XPNPEP3: variants seen among roughly 807,000 people sequenced by gnomAD.
The protein encoded by XPNPEP3 is xaa-Pro aminopeptidase 3.
Under a neutral mutation model 60.0 loss-of-function variants are expected in XPNPEP3, and 41 were observed. The observed-to-expected ratio is 0.68, with a 90% confidence interval of 0.53 to 0.89. The LOEUF is 0.89. Ranked by LOEUF, XPNPEP3 falls within the 40% of genes least tolerant of loss-of-function variation. XPNPEP3 has a pLI of 0.00. For missense variants in XPNPEP3, 598 were observed against 638.9 expected (o/e 0.94, Z 0.69); for synonymous variants, 212 against 223.2 (o/e 0.95, Z 0.45).
rs775368300 is a variant in XPNPEP3 at position 40,882,086 on chromosome 22, G to A, written c.498G>A (p.Pro166=). The A allele has an allele frequency of 3.0e-5, 48 of 1,613,938 alleles. No homozygotes were observed. The highest frequency in any genetic ancestry group is 3.3e-5 in the South Asian group (3 of 91,086). The change falls in exon 3 of 10, where the codon CCG becomes CCA. Residue 166 remains proline (P), a synonymous_variant. Coordinates refer to ENST00000357137, the MANE Select transcript of XPNPEP3 (RefSeq NM_022098.4). ...CCAGTCGAGAACTTTGGGATGGTCC[G>A]CGATCTGGCACTGATGGAGCAATAG... is the stretch of plus-strand genomic sequence containing the variant. ...RDPSRELWDG[P]RSGTDGAIAL...
chr22:40,905,171 C>G (rs925798145), intron 4 of XPNPEP3, among the ~76,000 whole-genome samples: 1 of 151,910 alleles, frequency 6.6e-6, no homozygotes, highest in African/African-American at 2.4e-5. Flanking sequence ...CCACTATCTC[C>G]CAGGTTCAAG....
intron 4 of XPNPEP3, among the ~76,000 whole-genome samples, chr22:40,897,057 G>A (rs1312268608): frequency 2.4e-5 from 3 of 124,814 alleles, no homozygotes; most frequent in African/African-American, 5.7e-5. Flanking sequence ...TTTTTGAGAC[G>A]GAGTTTCGCT....
rs1326536089 is a variant in XPNPEP3 at position 40,926,221 on chromosome 22, C to G, written c.1358-48C>G. On this transcript the variant is annotated intron_variant, in intron 9 of 9. Coordinates refer to ENST00000357137, the MANE Select transcript of XPNPEP3 (RefSeq NM_022098.4). Reference sequence around the variant, plus strand: ...GGTTAACTTACTTGCCCCAAACCACCCAGTTACTATCATTCCTGAACAGCA... The same window carrying G: ...GGTTAACTTACTTGCCCCAAACCACGCAGTTACTATCATTCCTGAACAGCA... 5 of 1,610,896 alleles carry G rather than the reference C, an allele frequency of 3.1e-6. No individual in the cohort carries two copies. In the South Asian group the frequency reaches 5.5e-5, roughly 18 times the overall value.
At chr22:40,860,776 G>T in intron 1 of XPNPEP3, 1 of 687,130 alleles carries the variant, frequency 1.5e-6, no homozygotes, top group Non-Finnish European at 2.3e-6. Flanking sequence ...CCAGCTTCCC[G>T]AGTAGCTGGG....
chr22:40,924,969 C>T (rs1332838082), intron 9 of XPNPEP3, among the ~76,000 whole-genome samples: 1 of 152,160 alleles, frequency 6.6e-6, no homozygotes, highest in African/African-American at 2.4e-5. Flanking sequence ...CTCCAATAAA[C>T]AACAGATGGG....
chr22:40,887,386 C>T (rs561436116), intron 4 of XPNPEP3, among the ~76,000 whole-genome samples: 1 of 152,190 alleles, frequency 6.6e-6, no homozygotes, highest in Admixed American at 6.5e-5. Context: ...GCTGCCATTA[C>T]AAAATATCAC....
chr22:40,864,240 CTG>C (rs1165902034), intron 1 of XPNPEP3, among the ~76,000 whole-genome samples: 1 of 152,164 alleles, frequency 6.6e-6, no homozygotes, highest in Non-Finnish European at 1.5e-5. Flanking sequence ...GCCATGGCAT[CTG>C]TAAACTCTTG....
chr22:40,888,943 A>G (rs903778211), intron 4 of XPNPEP3, among the ~76,000 whole-genome samples: 1 of 151,422 alleles, frequency 6.6e-6, no homozygotes, highest in African/African-American at 2.4e-5. Context: ...TGTGGTTTGG[A>G]TTTGTATTTC....
intron 2 of XPNPEP3, among the ~76,000 whole-genome samples, chr22:40,878,382 A>G (rs1310986363): frequency 6.6e-6 from 1 of 152,100 alleles, no homozygotes; most frequent in Non-Finnish European, 1.5e-5. Context: ...AATTGGATTC[A>G]GCAAACATAG....
intron 4 of XPNPEP3, among the ~76,000 whole-genome samples, 168 bp downstream of exon 4, chr22:40,886,683 C>T (rs959954463): frequency 7.9e-5 from 12 of 151,532 alleles, no homozygotes; most frequent in East Asian, 3.9e-4. Context: ...AAAAATTAGC[C>T]GGGCATGGTG....
intron 1 of XPNPEP3, among the ~76,000 whole-genome samples, chr22:40,857,506 A>G (rs1380564218): frequency 6.6e-6 from 1 of 152,224 alleles, no homozygotes; most frequent in Non-Finnish European, 1.5e-5. Flanking sequence ...CTGTCTTCCA[A>G]GTTACTCGGA....
At chr22:40,862,475 G>A in intron 1 of XPNPEP3, 3 of 986,002 alleles carry the variant, frequency 3.0e-6, no homozygotes, top group Non-Finnish European at 3.6e-6. Context: ...GGTGAAGAAA[G>A]TATTCAAACA....
At chr22:40,860,815 T>A in intron 1 of XPNPEP3, 1 of 642,150 alleles carries the variant, frequency 1.6e-6, no homozygotes, top group Non-Finnish European at 2.6e-6. Flanking sequence ...CACACTTGGC[T>A]AATTTTTAAA....
Position 40,931,960 on chromosome 22 carries a change from G to T in XPNPEP3, c.*5525G>T, listed in dbSNP as rs1419747096. 6.6e-6 allele frequency: 1 copy of T among 152,098 alleles called. No individual in the cohort carries two copies. Among genetic ancestry groups the T allele is most frequent in the Non-Finnish European group, 1.5e-5 (1 of 68,008 alleles). 9.4% of individuals were successfully genotyped at this position (152,098 alleles called of 1,614,324 possible). On this transcript the variant is annotated 3_prime_UTR_variant, in exon 10 of 10. Coordinates refer to ENST00000357137, the MANE Select transcript of XPNPEP3 (RefSeq NM_022098.4). Reference sequence around the variant, plus strand: ...AAAGACATTGCAACTTATTAAAACAGAAAAATGTACCTTTGTTATGTCTTT... The same window carrying T: ...AAAGACATTGCAACTTATTAAAACATAAAAATGTACCTTTGTTATGTCTTT...
chr22:40,860,646 T>C, intron 1 of XPNPEP3: 1 of 1,320,044 alleles, frequency 7.6e-7, no homozygotes, highest in Non-Finnish European at 1.0e-6. Context: ...CATTGCAGTT[T>C]TCCAAATTCC....
Position 40,926,310 on chromosome 22 carries a change from T to A in XPNPEP3, c.1399T>A (p.Phe467Ile), listed in dbSNP as rs1321732944. 1 of 1,614,146 alleles carries A rather than the reference T, an allele frequency of 6.2e-7. No homozygotes were observed. The highest frequency in any genetic ancestry group is 8.5e-7 in the Non-Finnish European group (1 of 1,180,024). ...PEDDKDAPEK[F>I]RGLGVRIEDD... ...GGATGACAAAGATGCCCCAGAGAAG[T>A]TTCGGGGTCTTGGTGTACGAATTGA... is the stretch of plus-strand genomic sequence containing the variant. The change falls in exon 10 of 10, where the codon TTT becomes ATT. Residue 467 changes from phenylalanine (F) to isoleucine (I), a missense_variant. By Grantham distance (21) the Phe-to-Ile change is conservative. Transcript: ENST00000357137.
intron 8 of XPNPEP3, 64 bp downstream of exon 8, chr22:40,922,577 A>G (rs1280684499): frequency 1.3e-6 from 2 of 1,565,474 alleles, no homozygotes; most frequent in Admixed American, 1.7e-5. Context: ...TTTTTACCCT[A>G]TATAAAGCTA....
intron 1 of XPNPEP3, chr22:40,860,581 A>T (rs1387627391): frequency 1.7e-6 from 2 of 1,187,828 alleles, no homozygotes; most frequent in Non-Finnish European, 2.2e-6. Flanking sequence ...TTTAATTAGA[A>T]AAAAGAAAAA....
intron 4 of XPNPEP3, among the ~76,000 whole-genome samples, chr22:40,905,548 A>G (rs918921021): frequency 1.3e-5 from 2 of 152,168 alleles, no homozygotes; most frequent in East Asian, 3.9e-4. Flanking sequence ...CAAACAAGAC[A>G]TGAAGTCATC....
Sources: gnomAD v4.1 joint callset for allele counts (sites outside exome capture counted in the v4.1 genomes callset) on GRCh38, gnomAD v4.1.1 for gene constraint, MANE v1.5 for transcripts, NCBI Gene and HGNC (gene_info 2026-07-23, HGNC 2026-07-21) for gene names.